Variants in PCNP observed in about 807,000 individuals in gnomAD.
The protein encoded by PCNP is PEST proteolytic signal-containing nuclear protein.
A neutral mutation model predicts 21.8 loss-of-function variants in PCNP; 6 were observed. The observed-to-expected ratio is 0.28, with a 90% CI of 0.15 to 0.54. The LOEUF is 0.54. PCNP is among the 20% of genes least tolerant of loss of function. The probability of loss-of-function intolerance (pLI) is 0.95; values close to 1 mark genes in which losing one functional copy is unlikely to be tolerated. For synonymous variants in PCNP, 67 were observed against 73.2 expected, an observed-to-expected ratio of 0.92 and a Z score of 0.43; for missense variants, 161 against 215.5, an observed-to-expected ratio of 0.75 and a Z score of 1.58.
chr3:101,576,752 G>A, intron 1 of PCNP: 1 of 1,611,192 alleles, frequency 6.2e-7, no homozygotes. Flanking sequence ...GTGATCACAC[G>A]TTCCACCTCA....
At chr3:101,574,423 C>A in intron 1 of PCNP, 144 bp downstream of exon 1, 1 of 1,041,734 alleles carries the variant, frequency 9.6e-7, no homozygotes, top group Non-Finnish European at 1.3e-6. Flanking sequence ...CTGCCTCGGG[C>A]ACGCCCGATG....
intron 4 of PCNP, among the ~76,000 whole-genome samples, chr3:101,591,852 G>T (rs1478061734): frequency 1.4e-5 from 2 of 139,244 alleles, no homozygotes; most frequent in Non-Finnish European, 3.0e-5. Flanking sequence ...GCTCACTGCA[G>T]CCTTGACCTC....
At chr3:101,584,858 T>C (rs745997788) in intron 2 of PCNP, among the ~76,000 whole-genome samples, 6 of 152,170 alleles carry the variant, frequency 3.9e-5, no homozygotes, top group Non-Finnish European at 5.9e-5. Flanking sequence ...AAATAAATTC[T>C]CTGGGCATGG....
At chr3:101,583,109 G>C (rs1308295288) in intron 2 of PCNP, among the ~76,000 whole-genome samples, 2 of 151,768 alleles carry the variant, frequency 1.3e-5, no homozygotes, top group African/African-American at 4.8e-5. Flanking sequence ...AGGATTGCTT[G>C]AGCTCAGTAG....
chr3:101,576,988 G>A (rs1362379510), intron 1 of PCNP: 1 of 923,724 alleles, frequency 1.1e-6, no homozygotes, highest in African/African-American at 1.6e-5. Context: ...TCCTGTGGAG[G>A]AGCAATTTTT....
At chr3:101,579,645 TAACA>T (rs774129932) in intron 1 of PCNP, 141 bp from the exon 2 acceptor site, 21 of 726,624 alleles carry the variant, frequency 2.9e-5, no homozygotes, top group Non-Finnish European at 4.3e-5. Flanking sequence ...CTGTATACTC[TAACA>T]AACAGTGGAA....
rs1415465323 is a variant in PCNP at position 101,574,292 on chromosome 3, C to T, written c.64+13C>T. On this transcript the variant is annotated intron_variant, in intron 1 of 4. Transcript: ENST00000265260. The stretch of plus-strand genomic sequence containing the variant: ...GGAGCCGCCGGAGGTGAACACAACC[C>T]CAGCGTCGTGGGCAGCGTGGGATGC... 1 of 1,538,618 alleles carries T rather than the reference C, an allele frequency of 6.5e-7. No individual in the cohort carries two copies. Among genetic ancestry groups the T allele is most frequent in the Non-Finnish European group, 8.8e-7 (1 of 1,138,606 alleles).
intron 3 of PCNP, among the ~76,000 whole-genome samples, chr3:101,585,741 C>A (rs1935463881): frequency 6.6e-6 from 1 of 151,960 alleles, no homozygotes; most frequent in Non-Finnish European, 1.5e-5. Flanking sequence ...ATGAAATCAG[C>A]AAATGTTTAT....
At position 101,592,417 on chromosome 3, in the gene PCNP, A is replaced by AG. The variant is rs1166901647; in HGVS notation, c.411-210_411-209insG. 4.0e-5 allele frequency among the ~76,000 whole-genome samples: 6 copies of AG among 151,752 alleles called. No homozygotes were observed. The South Asian group carries it at 1.0e-3, about 26-fold the overall frequency. On this transcript the variant is annotated intron_variant, in intron 4 of 4. Transcript: ENST00000265260. ...TCAAATTGCTGACCTCAGGTGATCC[A>AG]CCTGCCTCGACCTCCCAAAGTGCTG...
intron 3 of PCNP, among the ~76,000 whole-genome samples, chr3:101,589,524 C>T (rs1392806450): frequency 3.3e-5 from 5 of 151,952 alleles, no homozygotes; most frequent in Non-Finnish European, 5.9e-5. Context: ...AATTCTCCTG[C>T]CTCAGCCTCC....
At chr3:101,574,523 A>C (rs1016748530) in intron 1 of PCNP, among the ~76,000 whole-genome samples, 7 of 152,158 alleles carry the variant, frequency 4.6e-5, no homozygotes, top group Admixed American at 3.3e-4. Context: ...GGAGGCCCTG[A>C]TTCCGAGGAG....
intron 3 of PCNP, chr3:101,589,945 A>G (rs992575674): frequency 2.4e-5 from 9 of 380,904 alleles, no homozygotes; most frequent in African/African-American, 6.3e-5. Flanking sequence ...AAACAACACA[A>G]TGGGCAGCAT....
At chr3:101,586,545 C>CGTGTGTGTGTGTGTGTGTGTGT (rs377617517) in intron 3 of PCNP, among the ~76,000 whole-genome samples, 58 of 99,792 alleles carry the variant, frequency 5.8e-4, no homozygotes, top group Non-Finnish European at 7.0e-4. Flanking sequence ...GGCGTATATT[C>CGTGTGTGTGTGTGTGTGTGTGT]GTGTGTGTGT....
intron 1 of PCNP, chr3:101,576,883 C>T: frequency 6.2e-7 from 1 of 1,607,124 alleles, no homozygotes; most frequent in Non-Finnish European, 8.5e-7. Context: ...TTTCCGCTGC[C>T]CATCGATGTT....
rs1935917743 is a variant in PCNP at position 101,593,516 on chromosome 3, T to G, written c.*763T>G. 1 of 152,636 alleles carries G rather than the reference T, an allele frequency of 6.6e-6. No individual in the cohort carries two copies. Among genetic ancestry groups the G allele is most frequent in the Non-Finnish European group, 1.5e-5 (1 of 68,030 alleles). 9.5% of individuals were successfully genotyped at this position (152,636 alleles called of 1,614,324 possible). On this transcript the variant is annotated 3_prime_UTR_variant, in exon 5 of 5. Transcript: ENST00000265260. Reference sequence around the variant, plus strand: ...TCCTGTAAGCATTTCCACCAGAACTTGAGGCAAATCGTAAGGAAGCTGTTT... The same window carrying G: ...TCCTGTAAGCATTTCCACCAGAACTGGAGGCAAATCGTAAGGAAGCTGTTT...
chr3:101,581,737 CT>C (rs1294644949), intron 2 of PCNP, among the ~76,000 whole-genome samples: 7 of 151,190 alleles, frequency 4.6e-5, no homozygotes, highest in African/African-American at 1.7e-4. Flanking sequence ...CTCGGCCCCT[CT>C]TTCTTTTTTT....
At chr3:101,586,574 G>GAGAGAGAGAGAGAGTTTCTTGTTTC (rs1935533550) in intron 3 of PCNP, among the ~76,000 whole-genome samples, 7 of 149,552 alleles carry the variant, frequency 4.7e-5, no homozygotes, top group Non-Finnish European at 8.9e-5. Context: ...GTGTGTGTGA[G>GAGAGAGAGAGAGAGTTTCTTGTTTC]AGAGAGAGAG....
chr3:101,578,055 A>G (rs1444588538), intron 1 of PCNP, among the ~76,000 whole-genome samples: 1 of 152,146 alleles, frequency 6.6e-6, no homozygotes, highest in Non-Finnish European at 1.5e-5. Context: ...TTCTAAATTG[A>G]TAAGTTATTT....
chr3:101,587,940 A>C (rs1935617887), intron 3 of PCNP, among the ~76,000 whole-genome samples: 1 of 152,116 alleles, frequency 6.6e-6, no homozygotes. Flanking sequence ...TTTTACCCTT[A>C]ATTTGTGAGT....
Sources: allele counts gnomAD v4.1 joint callset (sites outside exome capture counted in the v4.1 genomes callset), GRCh38; gene constraint gnomAD v4.1.1; transcripts MANE v1.5; gene names NCBI Gene and HGNC (gene_info 2026-07-23, HGNC 2026-07-21).